The following MALRD1 variants were observed in gnomAD, a reference collection of about 807,000 sequenced individuals.
MALRD1 encodes the protein MAM and LDL receptor class A domain containing 1, also known as MAM and LDL-receptor class A domain-containing protein 1.
MALRD1 carries 247 observed loss-of-function variants against 242.1 expected under a neutral mutation model. The observed-to-expected ratio is 1.02, with a 90% CI of 0.92 to 1.13. MALRD1 has a LOEUF of 1.13. MALRD1 is among the 50% of genes most tolerant of loss of function. MALRD1 has a pLI of 0.00. For synonymous variants in MALRD1, 995 were observed against 866.6 expected (o/e 1.15, Z -2.60); for missense variants, 2,989 against 2,533.1 (o/e 1.18, Z -3.86).
chr10:19,547,817 T>TAC (rs1835300284), intron 32 of MALRD1, among the ~76,000 whole-genome samples: 3 of 16,600 alleles, frequency 1.8e-4, no homozygotes, highest in African/African-American at 5.8e-4. Flanking sequence ...TATATATATA[T>TAC]ATTTTTTTTT....
At chr10:19,150,645 GATCACTATCCTGTGATCT>G (rs1833916063) in intron 11 of MALRD1, among the ~76,000 whole-genome samples, 1 of 152,178 alleles carries the variant, frequency 6.6e-6, no homozygotes, top group African/African-American at 2.4e-5. Flanking sequence ...CTCTCTCAGA[GATCACTATCCTGTGATCT>G]ATCACTATCT....
chr10:19,076,035 T>C (rs1020441290), intron 2 of MALRD1, among the ~76,000 whole-genome samples: 2 of 151,994 alleles, frequency 1.3e-5, no homozygotes, highest in Non-Finnish European at 2.9e-5. Flanking sequence ...ATTAATGGTA[T>C]GATTTGGGGG....
upstream of MALRD1, chr10:19,048,775 A>G: frequency 2.2e-6 from 1 of 457,126 alleles, no homozygotes; most frequent in Non-Finnish European, 3.6e-6. Flanking sequence ...GAAAGAGCAA[A>G]TTAACTGCCT....
intron 23 of MALRD1, 104 bp from the exon 24 acceptor site, chr10:19,331,265 A>T: frequency 1.0e-6 from 1 of 999,270 alleles, no homozygotes; most frequent in Non-Finnish European, 1.5e-6. Flanking sequence ...AAAAAAACAA[A>T]CAACAAAAAA....
chr10:19,327,729 C>CA (rs1220804350), intron 23 of MALRD1, 56 bp downstream of exon 23: 2 of 1,329,024 alleles, frequency 1.5e-6, no homozygotes, highest in Admixed American at 4.0e-5. Flanking sequence ...TTTTCATCCT[C>CA]ATTTATTTCC....
intron 38 of MALRD1, chr10:19,722,040 TC>T (rs1218703919): frequency 1.3e-5 from 2 of 152,242 alleles, no homozygotes; most frequent in East Asian, 3.8e-4. Context: ...TTAGTGGACT[TC>T]ATTTCATCAC....
At chr10:19,390,776 A>G (rs570066977) in intron 28 of MALRD1, among the ~76,000 whole-genome samples, 43 of 152,286 alleles carry the variant, frequency 2.8e-4, no homozygotes, top group African/African-American at 9.9e-4. Flanking sequence ...TTATGTCTGC[A>G]GAGTCTATGT....
intron 33 of MALRD1, among the ~76,000 whole-genome samples, chr10:19,587,911 G>GT (rs11430007): frequency 0.71 from 102,845 of 145,812 alleles, 38,604 homozygotes; most frequent in Non-Finnish European, 0.83. Flanking sequence ...TATCCTAGGT[G>GT]TTTTTTTTTT....
rs1836738339 is a variant in MALRD1, at chr10:19,205,338, T to G, written c.2578+73T>G. The stretch of plus-strand genomic sequence containing the variant: ...TGACCTTGATGAATTCACTTTTGTC[T>G]TGCCAATCAAACCGATAACAGTAAG... On this transcript the variant is annotated intron_variant, in intron 17 of 39. Coordinates refer to ENST00000454679, the MANE Select transcript of MALRD1 (RefSeq NM_001142308.3). The G allele has an allele frequency of 3.4e-6, 5 of 1,450,928 alleles. No homozygotes were observed. The East Asian group carries it at 1.2e-4, about 36-fold the overall frequency. The allele number at this position is 1,450,928 out of a possible 1,614,324, so 89.9% of individuals were successfully genotyped here.
At chr10:19,237,368 A>G (rs1838367510) in intron 18 of MALRD1, among the ~76,000 whole-genome samples, 1 of 150,078 alleles carries the variant, frequency 6.7e-6, no homozygotes, top group South Asian at 2.1e-4. Flanking sequence ...AAGATTCCAC[A>G]TATGAGAGAG....
At position 19,079,240 on chromosome 10, in the gene MALRD1, A is replaced by G. The variant is rs141998278; in HGVS notation, c.341-8600A>G. Among the ~76,000 whole-genome samples, 70 of 151,666 alleles carry G rather than the reference A, an allele frequency of 4.6e-4. 1 individual carries two copies. In the East Asian group the frequency reaches 6.8e-3, roughly 15 times the overall value. On this transcript the variant is annotated intron_variant, in intron 2 of 39. Coordinates refer to ENST00000454679, the MANE Select transcript of MALRD1 (RefSeq NM_001142308.3). ...TCTCTTGTGATTTCTTCTTTAGCCT[A>G]TTGGTTATTTAGGAGACTATTATTT...
At chr10:19,485,599 C>T (rs1971585) in intron 29 of MALRD1, among the ~76,000 whole-genome samples, 3,010 of 151,064 alleles carry the variant, frequency 0.02, 119 homozygotes, top group African/African-American at 0.07. Flanking sequence ...GCCCAGATCG[C>T]GCCACTGCAC....
intron 31 of MALRD1, among the ~76,000 whole-genome samples, chr10:19,501,906 G>C (rs190679827): frequency 9.4e-4 from 143 of 151,388 alleles, no homozygotes; most frequent in Middle Eastern, 3.4e-3. Flanking sequence ...TAGAGTGCCT[G>C]TTGTCCCCAC....
At chr10:19,153,333 C>G (rs1317336806) in intron 11 of MALRD1, among the ~76,000 whole-genome samples, 3 of 152,166 alleles carry the variant, frequency 2.0e-5, no homozygotes. Context: ...TAAAGATATT[C>G]TGGCAACCTA....
At chr10:19,586,422 G>C (rs558804973) in intron 33 of MALRD1, among the ~76,000 whole-genome samples, 16 of 152,268 alleles carry the variant, frequency 1.1e-4, no homozygotes, top group Admixed American at 4.6e-4. Context: ...TGTCCTTTCT[G>C]TTTGTTAGTT....
chr10:19,305,011 T>A (rs2131968037), intron 21 of MALRD1, among the ~76,000 whole-genome samples: 1 of 151,848 alleles, frequency 6.6e-6, no homozygotes, highest in South Asian at 2.1e-4. Flanking sequence ...AGTCATTGCC[T>A]TCTGCTTCTT....
intron 18 of MALRD1, among the ~76,000 whole-genome samples, chr10:19,226,110 A>G (rs1358286887): frequency 1.3e-5 from 2 of 152,296 alleles, no homozygotes; most frequent in East Asian, 1.9e-4. Context: ...TCTTAATACA[A>G]TATTAGCAAA....
intron 35 of MALRD1, among the ~76,000 whole-genome samples, chr10:19,615,306 C>T (rs986080057): frequency 1.3e-5 from 2 of 151,282 alleles, no homozygotes; most frequent in African/African-American, 4.9e-5. Flanking sequence ...TTGCTTGAGG[C>T]TAAGAGTTTA....
At chr10:19,373,987 C>A (rs1439174573) in intron 26 of MALRD1, among the ~76,000 whole-genome samples, 1 of 152,196 alleles carries the variant, frequency 6.6e-6, no homozygotes, top group African/African-American at 2.4e-5. Context: ...TTCTTTACTG[C>A]TCTCTTAGCA....
Sources: allele counts gnomAD v4.1 joint callset (sites outside exome capture counted in the v4.1 genomes callset), GRCh38; gene constraint gnomAD v4.1.1; transcripts MANE v1.5; gene names NCBI Gene and HGNC (gene_info 2026-07-23, HGNC 2026-07-21).